Variants in ADAMTS18 observed in about 807,000 individuals in gnomAD.
The protein encoded by ADAMTS18 is A disintegrin and metalloproteinase with thrombospondin motifs 18.
ADAMTS18 carries 157 observed loss-of-function variants against 165.9 expected under a neutral mutation model. The ratio of observed to expected loss-of-function variants is 0.95; its 90% CI spans 0.83 to 1.08. The LOEUF is 1.08. ADAMTS18 is among the 50% of genes least tolerant of loss of function. ADAMTS18 has a pLI of 0.00. For synonymous variants in ADAMTS18, 782 were observed against 578.2 expected, an observed-to-expected ratio of 1.35 and a Z score of -5.06; for missense variants, 2,040 against 1,534.0, an observed-to-expected ratio of 1.33 and a Z score of -5.51.
chr16:77,432,486 TA>T (rs2057751304), intron 2 of ADAMTS18: 1 of 152,214 alleles, frequency 6.6e-6, no homozygotes, highest in African/African-American at 2.4e-5. Flanking sequence ...TACAATTTGC[TA>T]TTTGAAAAGC....
chr16:77,413,201 A>G (rs2057487534), intron 3 of ADAMTS18, among the ~76,000 whole-genome samples: 1 of 152,168 alleles, frequency 6.6e-6, no homozygotes, highest in Admixed American at 6.5e-5. Flanking sequence ...TGTAGAATAA[A>G]GGCCACCTGA....
rs76210306 is a variant in ADAMTS18 at position 77,318,403 on chromosome 16, G to C, written c.2532+1446C>G. Among the ~76,000 whole-genome samples, 251 of 152,284 alleles carry C rather than the reference G, an allele frequency of 1.6e-3. 4 individuals are homozygous for C. In the East Asian group the frequency reaches 0.045, roughly 27 times the overall value. On this transcript the variant is annotated intron_variant, in intron 16 of 22. Transcript: ENST00000282849. Reference sequence around the variant, plus strand: ...ATGGTGTGGCCAAGTGAGCCAGGAAGACTTACGTTCAAACCTCAGTCCTAC... The same window carrying C: ...ATGGTGTGGCCAAGTGAGCCAGGAACACTTACGTTCAAACCTCAGTCCTAC...
intron 3 of ADAMTS18, among the ~76,000 whole-genome samples, chr16:77,423,763 G>A (rs1176317804): frequency 6.6e-6 from 1 of 152,034 alleles, no homozygotes; most frequent in Non-Finnish European, 1.5e-5. Flanking sequence ...AGTTTATAAA[G>A]TAATGGTTAC....
chr16:77,353,492 A>G (rs781118865), intron 10 of ADAMTS18, among the ~76,000 whole-genome samples: 60 of 152,208 alleles, frequency 3.9e-4, no homozygotes, highest in Non-Finnish European at 6.5e-4. Context: ...TAAAGTCTTC[A>G]TTTAAAGAGA....
intron 9 of ADAMTS18, 114 bp downstream of exon 9, chr16:77,355,826 T>C (rs2056621133): frequency 1.6e-6 from 2 of 1,261,204 alleles, no homozygotes; most frequent in African/African-American, 2.9e-5. Flanking sequence ...TTTGTCTTTC[T>C]GTTTATTGAC....
intron 3 of ADAMTS18, among the ~76,000 whole-genome samples, chr16:77,390,653 G>A (rs1309836609): frequency 2.0e-5 from 3 of 150,630 alleles, no homozygotes; most frequent in Non-Finnish European, 4.4e-5. Flanking sequence ...TCGCACCACT[G>A]CACTTCAGCC....
intron 8 of ADAMTS18, among the ~76,000 whole-genome samples, chr16:77,356,628 AT>A (rs60742096): frequency 3.9e-5 from 6 of 152,014 alleles, no homozygotes; most frequent in African/African-American, 7.2e-5. Flanking sequence ...TATAATAAAC[AT>A]TTTTTTAACA....
At chr16:77,371,359 C>T (rs1008002708) in intron 3 of ADAMTS18, among the ~76,000 whole-genome samples, 2 of 152,050 alleles carry the variant, frequency 1.3e-5, no homozygotes, top group Admixed American at 6.6e-5. Context: ...CAGCTGGAAA[C>T]ATCACATTAC....
At position 77,387,954 on chromosome 16, in the gene ADAMTS18, A is replaced by G. The variant is rs190877356; in HGVS notation, c.496-20231T>C. ...CTCTATGGCGCTATCTCTCACCACT[A>G]CACTTACTCCCAACCCCCATCCTTT... On this transcript the variant is annotated intron_variant, in intron 3 of 22. Transcript: ENST00000282849. Among the ~76,000 whole-genome samples, 9 of 152,246 alleles carry G rather than the reference A, an allele frequency of 5.9e-5. No homozygotes were observed. The East Asian group carries it at 1.5e-3, about 26-fold the overall frequency.
chr16:77,365,599 G>C (rs746512418), intron 4 of ADAMTS18, among the ~76,000 whole-genome samples: 1 of 152,204 alleles, frequency 6.6e-6, no homozygotes, highest in Non-Finnish European at 1.5e-5. Context: ...ACTGGCCATA[G>C]CCATTGAGCA....
chr16:77,422,975 T>G (rs1446166555), intron 3 of ADAMTS18, among the ~76,000 whole-genome samples: 1 of 152,214 alleles, frequency 6.6e-6, no homozygotes, highest in East Asian at 1.9e-4. Context: ...TTCAGACACC[T>G]TGAGGACAAT....
In ADAMTS18 at chr16:77,319,977, C is replaced by T. The variant is rs544641967; in HGVS notation, c.2404G>A (p.Gly802Arg). Residue 802 changes from glycine (G) to arginine (R), a missense_variant, in exon 16 of 23, where the codon GGG (glycine) becomes AGG (arginine). Physicochemically the swap from Gly to Arg is moderately radical, Grantham distance 125. Coordinates refer to ENST00000282849, the MANE Select transcript of ADAMTS18 (RefSeq NM_199355.4). ...RSLSQKYYLT[G>R]GWSIDWPGEF... is the part of the protein sequence containing the mutation. ...CCAGGCCAGTCGATGCTCCAGCCCC[C>T]GGTGAGGTAATACTTTTGACTGAGG... 20 of 1,613,998 alleles carry T rather than the reference C, an allele frequency of 1.2e-5. No individual in the cohort carries two copies. The highest frequency in any genetic ancestry group is 4.4e-5 in the South Asian group (4 of 91,082).
Position 77,291,317 on chromosome 16 carries a change from G to C in ADAMTS18, c.3351C>G (p.Ala1117=). 1 of 1,614,168 alleles carries C rather than the reference G, an allele frequency of 6.2e-7. No individual in the cohort carries two copies. Among genetic ancestry groups the C allele is most frequent in the South Asian group, 1.1e-5 (1 of 91,086 alleles). Residue 1117 remains alanine (A), a synonymous_variant, in exon 21 of 23, where the codon GCC becomes GCG. Coordinates refer to ENST00000282849, the MANE Select transcript of ADAMTS18 (RefSeq NM_199355.4). ...EETCNRRACP[A]HPVYNMVAGW... Reference sequence around the variant, plus strand: ...CAGCTACCATGTTGTACACTGGATGGGCTGGGCAAGCCCGTCGGTTGCAGG... The same window carrying C: ...CAGCTACCATGTTGTACACTGGATGCGCTGGGCAAGCCCGTCGGTTGCAGG...
At position 77,322,301 on chromosome 16, in the gene ADAMTS18, T is replaced by C. The variant is rs374453738; in HGVS notation, c.2163+35A>G. 2.7e-4 allele frequency: 433 copies of C among 1,611,964 alleles called. 1 individual carries two copies. Among genetic ancestry groups the C allele is most frequent in the South Asian group, 6.9e-4 (63 of 91,034 alleles). The stretch of plus-strand genomic sequence containing the variant: ...CACACGATATGATAAAACACAAGCA[T>C]GCTCATACACTCCAAAGCAGAAACG... On this transcript the variant is annotated intron_variant, in intron 14 of 22. Transcript: ENST00000282849.
rs1217954020 is a variant in ADAMTS18 at position 77,434,741 on chromosome 16, C to A, written c.-46G>T. 8.7e-6 allele frequency: 12 copies of A among 1,373,542 alleles called. No individual in the cohort carries two copies. Among genetic ancestry groups the A allele is most frequent in the East Asian group, 3.2e-5 (1 of 31,214 alleles). 85.1% of individuals were successfully genotyped at this position (1,373,542 alleles called of 1,614,324 possible). A position where few individuals can be genotyped will look rare whatever the true frequency, so the allele number is the denominator to read the frequency against. On this transcript the variant is annotated 5_prime_UTR_variant, in exon 1 of 23. Coordinates refer to ENST00000282849, the MANE Select transcript of ADAMTS18 (RefSeq NM_199355.4). ...GCTGCGGGTGGCCAGACGCGGCAGG[C>A]GGAGCGCACGGGCGGCGCGCATTCT... is the stretch of plus-strand genomic sequence containing the variant.
At chr16:77,422,331 A>G (rs908690771) in intron 3 of ADAMTS18, among the ~76,000 whole-genome samples, 1 of 151,944 alleles carries the variant, frequency 6.6e-6, no homozygotes, top group Non-Finnish European at 1.5e-5. Context: ...CGCAGATGCC[A>G]GGTACCCAAG....
intron 10 of ADAMTS18, among the ~76,000 whole-genome samples, chr16:77,342,805 G>C (rs1204387286): frequency 6.6e-6 from 1 of 152,182 alleles, no homozygotes; most frequent in Non-Finnish European, 1.5e-5. Context: ...ATCATCAATT[G>C]AAATGGAGAG....
intron 12 of ADAMTS18, 89 bp downstream of exon 12, chr16:77,335,667 A>T: frequency 2.7e-6 from 4 of 1,503,446 alleles, no homozygotes; most frequent in South Asian, 2.3e-5. Context: ...AAATAAAAAA[A>T]TAAACTTAAA....
chr16:77,378,877 A>T (rs1477396936), intron 3 of ADAMTS18: 8 of 152,216 alleles, frequency 5.3e-5, no homozygotes, highest in Non-Finnish European at 1.0e-4. Context: ...TGTTTATATT[A>T]TAACTTTCCC....
Sources: allele counts gnomAD v4.1 joint callset (sites outside exome capture counted in the v4.1 genomes callset), GRCh38; gene constraint gnomAD v4.1.1; transcripts MANE v1.5; gene names NCBI Gene and HGNC (gene_info 2026-07-23, HGNC 2026-07-21).